RBM8A: variants seen among roughly 807,000 people sequenced by gnomAD.
RBM8A encodes the protein RNA-binding protein 8A.
RBM8A carries 8 observed loss-of-function variants against 25.1 expected under a neutral mutation model. That is an observed-to-expected ratio of 0.32 (90% CI 0.19 to 0.58). The LOEUF (loss-of-function observed/expected upper bound fraction) is 0.58. Among genes scored for constraint, RBM8A ranks in the 20% least tolerant of loss-of-function variants. The pLI, the probability that RBM8A is intolerant of heterozygous loss-of-function variation, is 0.88. For missense variants in RBM8A, 114 were observed against 236.8 expected (o/e 0.48, Z 3.40); for synonymous variants, 66 against 80.0 (o/e 0.82, Z 0.94).
rs1366323117 is a variant in RBM8A at position 145,922,946 on chromosome 1, C to G, written c.*2936G>C. ...TTATTATTTTTTTTTTTTTTGGAGACAGTCTTACTCTGTCGCCCAGGCTGG... is the reference window on the plus strand; with the variant it reads ...TTATTATTTTTTTTTTTTTTGGAGAGAGTCTTACTCTGTCGCCCAGGCTGG... On this transcript the variant is annotated 3_prime_UTR_variant, in exon 6 of 6. Coordinates refer to ENST00000583313, the MANE Select transcript of RBM8A (RefSeq NM_005105.5). 4.8e-5 allele frequency: 7 copies of G among 147,342 alleles called. No individual in the cohort carries two copies. The highest frequency in any genetic ancestry group is 1.0e-4 in the Non-Finnish European group (7 of 66,992). 9.1% of individuals were successfully genotyped at this position (147,342 alleles called of 1,614,324 possible).
Sources: allele counts gnomAD v4.1 joint callset, GRCh38; gene constraint gnomAD v4.1.1; transcripts MANE v1.5; gene names NCBI Gene and HGNC (gene_info 2026-07-23, HGNC 2026-07-21).